The following TEX36 variants were observed in gnomAD, a reference collection of about 807,000 sequenced individuals.
The protein encoded by TEX36 is testis-expressed protein 36.
Under a neutral mutation model 13.6 loss-of-function variants are expected in TEX36, and 12 were observed. The ratio of observed to expected loss-of-function variants is 0.88; its 90% CI spans 0.56 to 1.43. The LOEUF (loss-of-function observed/expected upper bound fraction) is 1.43, where lower values mean the gene tolerates loss of function less well. Ranked by LOEUF, TEX36 falls within the 40% of genes most tolerant of loss-of-function variation. The pLI, the probability that TEX36 is intolerant of heterozygous loss-of-function variation, is 0.00. For missense variants in TEX36, 224 were observed against 228.3 expected (o/e 0.98, Z 0.12); for synonymous variants, 93 against 83.0 (o/e 1.12, Z -0.65).
At chr10:125,578,250 G>A (rs901280820) in intron 3 of TEX36, 2 of 152,182 alleles carry the variant, frequency 1.3e-5, no homozygotes, top group African/African-American at 2.4e-5. Flanking sequence ...CTGATAATAC[G>A]TGGATCCAAA....
intron 3 of TEX36, among the ~76,000 whole-genome samples, chr10:125,606,794 C>T (rs1046116039): frequency 2.6e-5 from 4 of 152,178 alleles, no homozygotes; most frequent in African/African-American, 9.6e-5. Flanking sequence ...TGGTAGCTAG[C>T]AATTTACTTA....
intron 3 of TEX36, chr10:125,621,649 G>C (rs1381804762): frequency 2.2e-6 from 1 of 455,942 alleles, no homozygotes; most frequent in Non-Finnish European, 4.4e-6. Flanking sequence ...CTGCAAACTG[G>C]GAAAGAGAAA....
intron 1 of TEX36, among the ~76,000 whole-genome samples, chr10:125,668,121 T>C (rs573878244): frequency 1.5e-5 from 2 of 131,488 alleles, no homozygotes; most frequent in South Asian, 2.3e-4. Flanking sequence ...CCTGTAGTTG[T>C]CTTTTTTTTG....
intron 3 of TEX36, among the ~76,000 whole-genome samples, chr10:125,582,832 A>C (rs1330264433): frequency 6.6e-6 from 1 of 152,238 alleles, no homozygotes; most frequent in East Asian, 1.9e-4. Context: ...AATAATGTCA[A>C]TATATAGCCA....
At chr10:125,604,788 G>T (rs1310622744) in intron 3 of TEX36, among the ~76,000 whole-genome samples, 1 of 151,962 alleles carries the variant, frequency 6.6e-6, no homozygotes, top group South Asian at 2.1e-4. Context: ...CTCCAGCCTG[G>T]AGACAGAGCG....
chr10:125,586,765 T>C (rs961816022), intron 3 of TEX36, among the ~76,000 whole-genome samples: 1 of 151,260 alleles, frequency 6.6e-6, no homozygotes, highest in African/African-American at 2.4e-5. Context: ...CACTCCAGTC[T>C]GGGCTCCAAA....
intron 3 of TEX36, among the ~76,000 whole-genome samples, chr10:125,599,973 A>C (rs1408385753): frequency 6.6e-6 from 1 of 152,320 alleles, no homozygotes; most frequent in Non-Finnish European, 1.5e-5. Flanking sequence ...GTCCTGAGAC[A>C]GGTGGGAATT....
chr10:125,644,465 C>G (rs942184874), intron 3 of TEX36, among the ~76,000 whole-genome samples: 1 of 152,122 alleles, frequency 6.6e-6, no homozygotes, highest in Non-Finnish European at 1.5e-5. Flanking sequence ...AATACCCTAC[C>G]TAATTCCCAA....
At chr10:125,618,420 A>G (rs1190385644), downstream of TEX36, among the ~76,000 whole-genome samples, 1 of 151,942 alleles carries the variant, frequency 6.6e-6, no homozygotes, top group Non-Finnish European at 1.5e-5. Context: ...GTGTGGTTTT[A>G]TCTACTTTTG....
chr10:125,618,220 C>T (rs984638311), downstream of TEX36, among the ~76,000 whole-genome samples: 4 of 152,252 alleles, frequency 2.6e-5, no homozygotes, highest in Non-Finnish European at 4.4e-5. Flanking sequence ...AACTTCTTTG[C>T]CTTTGGTTTG....
intron 3 of TEX36, chr10:125,576,984 A>G (rs961648559): frequency 2.2e-6 from 3 of 1,391,998 alleles, no homozygotes; most frequent in Admixed American, 2.1e-5. Flanking sequence ...CAAGCTTTAA[A>G]AACACCCCAG....
intron 3 of TEX36, among the ~76,000 whole-genome samples, chr10:125,577,317 C>T (rs973258809): frequency 8.6e-5 from 13 of 152,006 alleles, no homozygotes; most frequent in African/African-American, 2.2e-4. Flanking sequence ...GGAAACATGG[C>T]GAAACCCTGT....
At chr10:125,665,384 A>T (rs527290799) in intron 1 of TEX36, among the ~76,000 whole-genome samples, 1 of 152,070 alleles carries the variant, frequency 6.6e-6, no homozygotes, top group Non-Finnish European at 1.5e-5. Flanking sequence ...TTCAGATCTT[A>T]TATTTAAGTC....
At position 125,660,742 on chromosome 10, in the gene TEX36, A is replaced by T. The variant is rs574354170; in HGVS notation, c.264+279T>A. 1.0e-3 allele frequency among the ~76,000 whole-genome samples: 152 copies of T among 152,348 alleles called. 1 individual carries two copies. Among genetic ancestry groups the T allele is most frequent in the Admixed American group, 2.5e-3 (39 of 15,300 alleles). ...CCTTCCCATGGCAGATCCTCACAAG[A>T]AAGCTCGCAAAAGAGACAATTTATG... On this transcript the variant is annotated intron_variant, in intron 3 of 3. Coordinates refer to ENST00000368821, the MANE Select transcript of TEX36 (RefSeq NM_001128202.3).
intron 3 of TEX36, among the ~76,000 whole-genome samples, chr10:125,591,969 C>T (rs1227007934): frequency 6.6e-6 from 1 of 152,122 alleles, no homozygotes; most frequent in Non-Finnish European, 1.5e-5. Context: ...GTAATCAAGT[C>T]CTAACAAATG....
chr10:125,609,180 A>C (rs1013835941), intron 3 of TEX36, among the ~76,000 whole-genome samples: 4 of 151,602 alleles, frequency 2.6e-5, no homozygotes, highest in African/African-American at 7.3e-5. Flanking sequence ...AAAAAAAAAA[A>C]AACTTTTAAA....
chr10:125,676,173 G>A (rs1190315817), intron 1 of TEX36, among the ~76,000 whole-genome samples: 2 of 152,200 alleles, frequency 1.3e-5, no homozygotes, highest in African/African-American at 2.4e-5. Flanking sequence ...TCTTGGTTGA[G>A]TTACTGTCTA....
chr10:125,680,718 T>C (rs1384832507), intron 1 of TEX36, among the ~76,000 whole-genome samples: 1 of 152,168 alleles, frequency 6.6e-6, no homozygotes, highest in African/African-American at 2.4e-5. Context: ...ACAAGTTACT[T>C]TGGGAAACTT....
downstream of TEX36, among the ~76,000 whole-genome samples, chr10:125,618,942 T>TAAAAAAAAAA (rs11452140): frequency 2.8e-3 from 123 of 43,556 alleles, 5 homozygotes; most frequent in Middle Eastern, 0.022. Flanking sequence ...CCGTCTCTAC[T>TAAAAAAAAAA]AAAAAAAAAA....
Sources: allele counts gnomAD v4.1 joint callset (sites outside exome capture counted in the v4.1 genomes callset), GRCh38; gene constraint gnomAD v4.1.1; transcripts MANE v1.5; gene names NCBI Gene and HGNC (gene_info 2026-07-23, HGNC 2026-07-21).